WDR59: variants seen among roughly 807,000 people sequenced by gnomAD.
WDR59 encodes the protein GATOR2 complex protein WDR59.
In WDR59, 100 loss-of-function variants were observed where a neutral mutation model predicts 131.2. That is an observed-to-expected ratio of 0.76 (90% CI 0.65 to 0.90). The LOEUF (loss-of-function observed/expected upper bound fraction) is 0.90. Ranked by LOEUF, WDR59 falls within the 40% of genes least tolerant of loss-of-function variation. The pLI, the probability that WDR59 is intolerant of heterozygous loss-of-function variation, is 0.00. For missense variants in WDR59, 1,203 were observed against 1,262.2 expected, an observed-to-expected ratio of 0.95 and a Z score of 0.71; for synonymous variants, 601 against 466.2, an observed-to-expected ratio of 1.29 and a Z score of -3.72.
At chr16:74,934,839 G>A (rs911824592) in intron 8 of WDR59, among the ~76,000 whole-genome samples, 36 of 151,246 alleles carry the variant, frequency 2.4e-4, no homozygotes, top group African/African-American at 8.7e-4. Flanking sequence ...GAAATATAAA[G>A]AAATATCAGA....
At chr16:74,942,270 A>G (rs112019536) in intron 7 of WDR59, among the ~76,000 whole-genome samples, 10,199 of 152,056 alleles carry the variant, frequency 0.067, 1,157 homozygotes, top group African/African-American at 0.23. Flanking sequence ...CATCATGAGC[A>G]CCCTACCTTG....
intron 25 of WDR59, among the ~76,000 whole-genome samples, chr16:74,881,562 T>C (rs550413916): frequency 1.6e-4 from 25 of 152,196 alleles, no homozygotes; most frequent in African/African-American, 3.4e-4. Context: ...CAGGACTACA[T>C]TGTAAAACTT....
intron 9 of WDR59, among the ~76,000 whole-genome samples, chr16:74,923,509 G>A (rs1044192399): frequency 4.6e-5 from 7 of 151,824 alleles, no homozygotes; most frequent in African/African-American, 1.2e-4. Flanking sequence ...ATGGAGTCTC[G>A]CTCTGTCACC....
At chr16:74,919,891 G>T (rs1399857911) in intron 10 of WDR59, among the ~76,000 whole-genome samples, 1 of 152,014 alleles carries the variant, frequency 6.6e-6, no homozygotes, top group African/African-American at 2.4e-5. Flanking sequence ...TGGGCAACAT[G>T]GTGAAACTCA....
At chr16:74,945,840 C>G (rs1475831816) in intron 6 of WDR59, among the ~76,000 whole-genome samples, 1 of 134,070 alleles carries the variant, frequency 7.5e-6, no homozygotes, top group Non-Finnish European at 1.6e-5. Context: ...TTTTTTGAGA[C>G]AGAGTTTTGC....
chr16:74,971,421 C>A (rs1374875612), intron 1 of WDR59, among the ~76,000 whole-genome samples: 1 of 144,494 alleles, frequency 6.9e-6, no homozygotes. Flanking sequence ...TTCCTTCTTT[C>A]CTTCCTTTTT....
In WDR59 at chr16:74,920,433, G is replaced by T. The variant is rs1474118314; in HGVS notation, c.886+1514C>A. Among the ~76,000 whole-genome samples, 8 of 152,076 alleles carry T rather than the reference G, an allele frequency of 5.3e-5. No individual in the cohort carries two copies. In the East Asian group the frequency reaches 1.5e-3, roughly 29 times the overall value. ...ATATTTTTTCTTTTGAGACTGTCTC[G>T]ATCTGTCTCCAGGCTGGAGTGCAGT... On this transcript the variant is annotated intron_variant, in intron 10 of 25. Coordinates refer to ENST00000262144, the MANE Select transcript of WDR59 (RefSeq NM_030581.4).
chr16:74,932,430 T>TACACACACACACAC (rs34468583), intron 8 of WDR59, among the ~76,000 whole-genome samples: 1 of 144,110 alleles, frequency 6.9e-6, no homozygotes, highest in Non-Finnish European at 1.5e-5. Context: ...ACATAATTTT[T>TACACACACACACAC]ACACACACAC....
intron 16 of WDR59, 104 bp from the exon 17 acceptor site, chr16:74,909,081 G>A (rs1326584223): frequency 4.2e-6 from 4 of 961,820 alleles, no homozygotes; most frequent in Middle Eastern, 3.3e-4. Flanking sequence ...TACACCTGAG[G>A]GTAAGACACA....
At chr16:74,877,495 T>C (rs1365340845) in intron 25 of WDR59, among the ~76,000 whole-genome samples, 5 of 152,146 alleles carry the variant, frequency 3.3e-5, no homozygotes, top group East Asian at 1.9e-4. Context: ...TTCTGAAAAG[T>C]CTAGGGTTCT....
chr16:74,878,766 G>A (rs959788898), intron 25 of WDR59, among the ~76,000 whole-genome samples: 6 of 152,144 alleles, frequency 3.9e-5, no homozygotes, highest in East Asian at 3.8e-4. Context: ...ATTTGTCAAC[G>A]TCCTCAGTGT....
intron 18 of WDR59, among the ~76,000 whole-genome samples, chr16:74,898,025 T>G (rs1257652134): frequency 6.6e-6 from 1 of 152,200 alleles, no homozygotes; most frequent in Non-Finnish European, 1.5e-5. Context: ...GGACATCTTT[T>G]CAGGGTATTT....
At chr16:74,961,921 G>C (rs1315431211) in intron 2 of WDR59, among the ~76,000 whole-genome samples, 1 of 151,802 alleles carries the variant, frequency 6.6e-6, no homozygotes, top group Non-Finnish European at 1.5e-5. Flanking sequence ...TTATAGTTTT[G>C]GATTTTACAT....
At chr16:74,950,680 C>T (rs2032938256) in intron 4 of WDR59, among the ~76,000 whole-genome samples, 1 of 151,846 alleles carries the variant, frequency 6.6e-6, no homozygotes, top group South Asian at 2.1e-4. Context: ...TCGAAACCAA[C>T]TGGAAGCCTC....
At position 74,938,115 on chromosome 16, in the gene WDR59, A is replaced by C. The variant is rs886229549; in HGVS notation, c.651+35T>G. ...CATACATCCCTGATGCCACCCAAAC[A>C]CTGCTCCTCCAACTTCCCCATGGGT... On this transcript the variant is annotated intron_variant, in intron 8 of 25. Transcript: ENST00000262144. The C allele has an allele frequency of 7.1e-6, 10 of 1,406,314 alleles. No homozygotes were observed. In the South Asian group the frequency reaches 1.0e-4, roughly 15 times the overall value. The allele number at this position is 1,406,314 out of a possible 1,614,324, so 87.1% of individuals were successfully genotyped here. A position where few individuals can be genotyped will look rare whatever the true frequency, so the allele number is the denominator to read the frequency against.
chr16:74,948,426 G>A, intron 6 of WDR59, 93 bp downstream of exon 6: 1 of 1,194,060 alleles, frequency 8.4e-7, no homozygotes. Flanking sequence ...AGAGGGAGAT[G>A]GAAAGGAATA....
chr16:74,945,407 G>A (rs2145113233), intron 6 of WDR59, among the ~76,000 whole-genome samples: 1 of 152,040 alleles, frequency 6.6e-6, no homozygotes, highest in Admixed American at 6.5e-5. Flanking sequence ...AACCTGGGAG[G>A]CAGAGCTTGC....
At position 74,985,057 on chromosome 16, in the gene WDR59, C is replaced by G; in HGVS notation, c.-40G>C. On this transcript the variant is annotated 5_prime_UTR_variant, in exon 1 of 26. Transcript: ENST00000262144. ...CGCCGCGGCCCCAGGACGGCGCCCTCCCACCCCGCCGTCCCCAGTATCCCG... is the reference window on the plus strand; with the variant it reads ...CGCCGCGGCCCCAGGACGGCGCCCTGCCACCCCGCCGTCCCCAGTATCCCG... 1 of 1,536,418 alleles carries G rather than the reference C, an allele frequency of 6.5e-7. No individual in the cohort carries two copies. Among genetic ancestry groups the G allele is most frequent in the Non-Finnish European group, 8.8e-7 (1 of 1,133,356 alleles).
intron 1 of WDR59, among the ~76,000 whole-genome samples, chr16:74,972,017 G>A (rs888734507): frequency 6.6e-6 from 1 of 152,108 alleles, no homozygotes; most frequent in African/African-American, 2.4e-5. Flanking sequence ...CCAAACTCTT[G>A]CTTTTCCATA....
Sources: gnomAD v4.1 joint callset for allele counts (sites outside exome capture counted in the v4.1 genomes callset) on GRCh38, gnomAD v4.1.1 for gene constraint, MANE v1.5 for transcripts, NCBI Gene and HGNC (gene_info 2026-07-23, HGNC 2026-07-21) for gene names.